STON2: variants seen among roughly 807,000 people sequenced by gnomAD.
The protein encoded by STON2 is stonin-2.
Under a neutral mutation model 65.7 loss-of-function variants are expected in STON2, and 29 were observed. The observed-to-expected ratio is 0.44, with a 90% CI of 0.33 to 0.60. The LOEUF (loss-of-function observed/expected upper bound fraction) is 0.60. Ranked by LOEUF, STON2 falls within the 20% of genes least tolerant of loss-of-function variation. STON2 has a pLI of 0.03. For synonymous variants in STON2, 404 were observed against 414.2 expected (o/e 0.98, Z 0.30); for missense variants, 1,054 against 1,118.1 (o/e 0.94, Z 0.82).
chr14:81,300,968 T>C (rs1895947211), intron 5 of STON2, among the ~76,000 whole-genome samples: 1 of 152,168 alleles, frequency 6.6e-6, no homozygotes, highest in Non-Finnish European at 1.5e-5. Flanking sequence ...AAGAGTATCA[T>C]ATTCATATCA....
chr14:81,275,261 T>TA (rs918490322), intron 6 of STON2, among the ~76,000 whole-genome samples: 1 of 152,124 alleles, frequency 6.6e-6, no homozygotes, highest in Non-Finnish European at 1.5e-5. Flanking sequence ...TGGTGGAAAT[T>TA]ATTTCAATAT....
At position 81,398,573 on chromosome 14, in the gene STON2, G is replaced by A. The variant is rs1900448821; in HGVS notation, c.-191C>T. The stretch of plus-strand genomic sequence containing the variant: ...CTCTTGCCGTTGGTTAATCTGCCAG[G>A]CAGAAATCTGTTTAACAAACAAACA... On this transcript the variant is annotated 5_prime_UTR_variant, in exon 2 of 8. Transcript: ENST00000614646. 2 of 471,830 alleles carry A rather than the reference G, an allele frequency of 4.2e-6. No homozygotes were observed. The highest frequency in any genetic ancestry group is 2.0e-5 in the African/African-American group (1 of 50,368). 29.2% of individuals were successfully genotyped at this position (471,830 alleles called of 1,614,324 possible).
At chr14:81,333,740 A>G (rs1336002904) in intron 4 of STON2, among the ~76,000 whole-genome samples, 1 of 152,200 alleles carries the variant, frequency 6.6e-6, no homozygotes, top group Non-Finnish European at 1.5e-5. Context: ...GTGATGCTGA[A>G]TTCATATTCC....
At chr14:81,373,227 T>C (rs1463610206) in intron 3 of STON2, among the ~76,000 whole-genome samples, 1 of 152,180 alleles carries the variant, frequency 6.6e-6, no homozygotes, top group Non-Finnish European at 1.5e-5. Context: ...ATTTGTTGGT[T>C]ATATCAACAG....
chr14:81,407,489 A>G (rs541225341), intron 2 of STON2, among the ~76,000 whole-genome samples: 1 of 152,196 alleles, frequency 6.6e-6, no homozygotes, highest in Non-Finnish European at 1.5e-5. Flanking sequence ...AGGTTGTTAA[A>G]TCTTTGGCCA....
chr14:81,427,972 G>C (rs958143621), intron 1 of STON2, among the ~76,000 whole-genome samples: 1 of 152,126 alleles, frequency 6.6e-6, no homozygotes, highest in African/African-American at 2.4e-5. Flanking sequence ...TACAACCTTT[G>C]ACAAAGTACT....
intron 5 of STON2, among the ~76,000 whole-genome samples, chr14:81,316,018 T>A (rs1463718670): frequency 6.6e-6 from 1 of 152,246 alleles, no homozygotes; most frequent in Non-Finnish European, 1.5e-5. Context: ...AATGTGTTAA[T>A]TGGAGAAAAA....
At chr14:81,429,401 T>C (rs888769938) in intron 1 of STON2, among the ~76,000 whole-genome samples, 1 of 152,236 alleles carries the variant, frequency 6.6e-6, no homozygotes, top group Non-Finnish European at 1.5e-5. Flanking sequence ...ACAGAGTTTA[T>C]AATAGGATTA....
chr14:81,273,040 T>G (rs145876106), intron 6 of STON2, among the ~76,000 whole-genome samples: 54 of 152,334 alleles, frequency 3.5e-4, no homozygotes, highest in African/African-American at 1.2e-3. Context: ...AGTATACAGA[T>G]GCATCTCTTA....
chr14:81,348,417 T>C (rs2140309446), intron 4 of STON2, among the ~76,000 whole-genome samples: 1 of 152,226 alleles, frequency 6.6e-6, no homozygotes, highest in South Asian at 2.1e-4. Flanking sequence ...ATTGGCAGGA[T>C]ACAAAATCAA....
At position 81,263,610 on chromosome 14, in the gene STON2, G is replaced by T; in HGVS notation, c.*4804C>A. 1 of 352,086 alleles carries T rather than the reference G, an allele frequency of 2.8e-6. No individual in the cohort carries two copies. Among genetic ancestry groups the T allele is most frequent in the Non-Finnish European group, 4.0e-6 (1 of 251,898 alleles). The allele number at this position is 352,086 out of a possible 1,614,324, so 21.8% of individuals were successfully genotyped here. ...GCCATGTTTTTAAAGCTCATCAGCT[G>T]TTGTTACTGTATTTTATGTGTGACC... On this transcript the variant is annotated 3_prime_UTR_variant, in exon 8 of 8. Transcript: ENST00000614646.
rs1192100135 is a variant in STON2 at position 81,265,333 on chromosome 14, A to C, written c.*3081T>G. ...GTAGAGGGAAAACAAATTTGATGAA[A>C]TTAAGATGTTAGGTTTTTAAAAATT... On this transcript the variant is annotated 3_prime_UTR_variant, in exon 8 of 8. Transcript: ENST00000614646. 1.5e-5 allele frequency: 15 copies of C among 984,506 alleles called. No homozygotes were observed. Among genetic ancestry groups the C allele is most frequent in the African/African-American group, 1.7e-5 (1 of 57,206 alleles). 61.0% of individuals were successfully genotyped at this position (984,506 alleles called of 1,614,324 possible).
chr14:81,337,868 GT>G (rs2140283831), intron 4 of STON2, among the ~76,000 whole-genome samples: 2 of 152,218 alleles, frequency 1.3e-5, no homozygotes, highest in South Asian at 4.1e-4. Context: ...GAAGACTGAG[GT>G]GAGAGGATCA....
intron 4 of STON2, among the ~76,000 whole-genome samples, chr14:81,354,139 G>C (rs1297035627): frequency 1.3e-5 from 2 of 152,194 alleles, no homozygotes; most frequent in Non-Finnish European, 2.9e-5. Flanking sequence ...CACCTGGCCA[G>C]GGAATGCACC....
At chr14:81,313,441 T>C (rs996881594) in intron 5 of STON2, among the ~76,000 whole-genome samples, 2 of 151,838 alleles carry the variant, frequency 1.3e-5, no homozygotes, top group Non-Finnish European at 2.9e-5. Flanking sequence ...ACAAAACAGA[T>C]TGGGTGCTTG....
intron 4 of STON2, among the ~76,000 whole-genome samples, chr14:81,359,500 A>G (rs567192048): frequency 6.6e-6 from 1 of 152,316 alleles, no homozygotes; most frequent in African/African-American, 2.4e-5. Context: ...AACTAAGCCC[A>G]ATGTCAATAG....
chr14:81,302,119 A>G (rs1895991976), intron 5 of STON2, among the ~76,000 whole-genome samples: 1 of 152,130 alleles, frequency 6.6e-6, no homozygotes, highest in Admixed American at 6.5e-5. Flanking sequence ...AGTAGTAGCC[A>G]CTCTGGACTG....
At chr14:81,337,508 GAAGA>G (rs1003350821) in intron 4 of STON2, among the ~76,000 whole-genome samples, 18 of 152,190 alleles carry the variant, frequency 1.2e-4, no homozygotes, top group Non-Finnish European at 2.2e-4. Context: ...AAGAGGTAGA[GAAGA>G]AAGAGGGCAC....
At chr14:81,300,980 A>G (rs1480254383) in intron 5 of STON2, among the ~76,000 whole-genome samples, 1 of 152,228 alleles carries the variant, frequency 6.6e-6, no homozygotes, top group Non-Finnish European at 1.5e-5. Context: ...TTCATATCAT[A>G]GAATACCACT....
Sources: allele counts gnomAD v4.1 joint callset (sites outside exome capture counted in the v4.1 genomes callset), GRCh38; gene constraint gnomAD v4.1.1; transcripts MANE v1.5; gene names NCBI Gene and HGNC (gene_info 2026-07-23, HGNC 2026-07-21).